EFCC1: variants seen among roughly 807,000 people sequenced by gnomAD.
EFCC1 encodes EF-hand and coiled-coil domain-containing protein 1.
EFCC1 carries 50 observed loss-of-function variants against 52.1 expected under a neutral mutation model. The ratio of observed to expected loss-of-function variants is 0.96; its 90% confidence interval spans 0.76 to 1.21. The LOEUF (loss-of-function observed/expected upper bound fraction) is 1.21. EFCC1 is among the 50% of genes most tolerant of loss of function. The pLI, the probability that EFCC1 is intolerant of heterozygous loss-of-function variation, is 0.00. For synonymous variants in EFCC1, 399 were observed against 396.5 expected (o/e 1.01, Z -0.08); for missense variants, 837 against 867.3 (o/e 0.97, Z 0.44).
At position 129,034,268 on chromosome 3, in the gene EFCC1, TG is replaced by T. The variant is rs1441595533; in HGVS notation, c.1393del (p.Val465TrpfsTer4). 1 of 1,614,116 alleles carries T rather than the reference TG, an allele frequency of 6.2e-7. No homozygotes were observed. Among genetic ancestry groups the T allele is most frequent in the East Asian group, 2.2e-5 (1 of 44,878 alleles). ...GAGCTGGAGGCCTGCATTGCCATGC[TG>T]GTGGAGCAGCTGAGGACTCAGGGCT... ...LGELEACIAM[L>X]VEQLRTQGCG... On this transcript the variant is annotated frameshift_variant, in exon 5 of 8. Transcript: ENST00000683648. LOFTEE classifies it high-confidence loss of function.
Position 129,002,120 on chromosome 3 carries a change from C to A in EFCC1, c.492C>A (p.Gly164=). 1.4e-6 allele frequency: 2 copies of A among 1,475,846 alleles called. No homozygotes were observed. The highest frequency in any genetic ancestry group is 1.8e-6 in the Non-Finnish European group (2 of 1,119,806). 91.4% of individuals were successfully genotyped at this position (1,475,846 alleles called of 1,614,324 possible). A position where few individuals can be genotyped will look rare whatever the true frequency, so the allele number is the denominator to read the frequency against. ...GTGCGGGGCCCCGGCTGCCCCGCGG[C>A]GCTCTCAGCGAGCACATCGAGACGC... The part of the protein sequence containing the change: ...GTRAGPRLPR[G]ALSEHIETQI... The change falls in exon 1 of 8, where the codon GGC becomes GGA. Residue 164 remains glycine, a synonymous_variant. Transcript: ENST00000683648.
chr3:129,021,922 C>G (rs549759446), intron 2 of EFCC1, among the ~76,000 whole-genome samples: 2 of 152,040 alleles, frequency 1.3e-5, no homozygotes, highest in African/African-American at 2.4e-5. Context: ...GGGCATATTA[C>G]GTATTCAGCT....
At chr3:129,035,789 C>T (rs1327630785) in intron 5 of EFCC1, among the ~76,000 whole-genome samples, 2 of 152,138 alleles carry the variant, frequency 1.3e-5, no homozygotes, top group African/African-American at 2.4e-5. Flanking sequence ...GCCAGACTGC[C>T]GGGATTCAAA....
intron 6 of EFCC1, among the ~76,000 whole-genome samples, chr3:129,038,471 T>C (rs1006800179): frequency 1.2e-4 from 18 of 152,416 alleles, no homozygotes; most frequent in African/African-American, 4.1e-4. Flanking sequence ...GCATTGCTTT[T>C]TTCTGCTGGT....
At chr3:129,003,114 G>A (rs1220948919) in intron 1 of EFCC1, among the ~76,000 whole-genome samples, 1 of 152,220 alleles carries the variant, frequency 6.6e-6, no homozygotes, top group African/African-American at 2.4e-5. Flanking sequence ...ATATGACCCC[G>A]CCTTAGCTCA....
At chr3:129,031,468 C>T (rs1016344921) in intron 3 of EFCC1, among the ~76,000 whole-genome samples, 1 of 152,248 alleles carries the variant, frequency 6.6e-6, no homozygotes, top group East Asian at 1.9e-4. Flanking sequence ...AACATGGATG[C>T]CCAGGCCCAC....
rs1250439613 is a variant in EFCC1, at chr3:129,039,786, C to T, written c.1738C>T (p.Gln580Ter). The part of the protein sequence containing the change: ...ALAACQLLRR[Q>*]PSAPASAAAA... ...GGCTGCCTGCCAGCTGTTGCGGAGACAGCCCTCGGCACCAGCCTCTGCAGC... is the reference window on the plus strand; with the variant it reads ...GGCTGCCTGCCAGCTGTTGCGGAGATAGCCCTCGGCACCAGCCTCTGCAGC... The change falls in exon 8 of 8, where the codon CAG becomes TAG. Residue 580 changes from glutamine (Q) to a stop codon, truncating the protein, a stop_gained. Coordinates refer to ENST00000683648, the MANE Select transcript of EFCC1 (RefSeq NM_001377500.1). LOFTEE classifies it low-confidence loss of function (END_TRUNC). 1.2e-6 allele frequency: 2 copies of T among 1,612,478 alleles called. No individual in the cohort carries two copies. The highest frequency in any genetic ancestry group is 1.7e-6 in the Non-Finnish European group (2 of 1,179,102).
At chr3:129,022,935 A>G (rs868086975) in intron 2 of EFCC1, among the ~76,000 whole-genome samples, 6 of 152,286 alleles carry the variant, frequency 3.9e-5, no homozygotes, top group South Asian at 2.1e-4. Context: ...TGTGGTTTGG[A>G]GCTGAGAAGT....
chr3:129,019,700 C>T (rs1337538312), intron 2 of EFCC1, among the ~76,000 whole-genome samples: 2 of 150,656 alleles, frequency 1.3e-5, no homozygotes, highest in Non-Finnish European at 2.9e-5. Flanking sequence ...CTACTGAGCA[C>T]TTGATGTAGC....
intron 2 of EFCC1, among the ~76,000 whole-genome samples, chr3:129,029,534 T>C (rs1946224577): frequency 6.6e-6 from 1 of 151,728 alleles, no homozygotes; most frequent in Non-Finnish European, 1.5e-5. Context: ...GACCAGGAGT[T>C]TGAGAACAGC....
chr3:129,001,845 C>T lies in EFCC1; in HGVS notation c.217C>T (p.Arg73Cys). The stretch of plus-strand genomic sequence containing the variant: ...CCACCTGGACTGCCGCGGCGCCGGC[C>T]GTCTGCCCCGCGCCGACTTCCGAGC... ...FHHLDCRGAG[R>C]LPRADFRALC... The change falls in exon 1 of 8, where the codon CGT becomes TGT. Residue 73 changes from arginine to cysteine, a missense_variant. Arg to Cys is a radical substitution (Grantham distance 180). Transcript: ENST00000683648. 3 of 1,545,874 alleles carry T rather than the reference C, an allele frequency of 1.9e-6. No homozygotes were observed. The highest frequency in any genetic ancestry group is 2.6e-6 in the Non-Finnish European group (3 of 1,145,604).
intron 2 of EFCC1, among the ~76,000 whole-genome samples, chr3:129,023,287 C>CTCAG (rs1312832747): frequency 4.0e-5 from 6 of 151,380 alleles, no homozygotes; most frequent in Non-Finnish European, 8.8e-5. Flanking sequence ...CAGAGACAGC[C>CTCAG]TCAGGCTAAT....
At chr3:129,033,464 C>T (rs115018337) in intron 4 of EFCC1, among the ~76,000 whole-genome samples, 1,811 of 152,290 alleles carry the variant, frequency 0.012, 46 homozygotes, top group South Asian at 0.085. Flanking sequence ...GGGATGGTGA[C>T]ACTTGTGTGG....
intron 2 of EFCC1, among the ~76,000 whole-genome samples, chr3:129,018,049 C>T (rs1217476203): frequency 2.0e-5 from 3 of 152,192 alleles, no homozygotes; most frequent in Non-Finnish European, 2.9e-5. Context: ...CCTGGCCATA[C>T]AAGAGGGTCC....
chr3:129,026,490 A>C (rs1408312922), intron 2 of EFCC1, among the ~76,000 whole-genome samples: 1 of 152,190 alleles, frequency 6.6e-6, no homozygotes, highest in East Asian at 1.9e-4. Flanking sequence ...CAAGAAGCTC[A>C]CTGCCTTCCA....
In EFCC1 at chr3:129,003,850, G is replaced by C. The variant is rs557333033; in HGVS notation, c.753G>C (p.Glu251Asp). The change falls in exon 2 of 8, where the codon GAG becomes GAC. Residue 251 changes from glutamate (E) to aspartate (D), a missense_variant. Physicochemically the swap from Glu to Asp is conservative, Grantham distance 45. Transcript: ENST00000683648. ...STHEMGHGGP[E>D]AAVRELRQAQ... The stretch of plus-strand genomic sequence containing the variant: ...ACGAGATGGGGCACGGCGGGCCGGA[G>C]GCTGCGGTGCGGGAGCTGCGTCAGG... 1 of 1,454,716 alleles carries C rather than the reference G, an allele frequency of 6.9e-7. No homozygotes were observed. Among genetic ancestry groups the C allele is most frequent in the African/African-American group, 1.5e-5 (1 of 67,608 alleles). 90.1% of individuals were successfully genotyped at this position (1,454,716 alleles called of 1,614,324 possible). A position where few individuals can be genotyped will look rare whatever the true frequency, so the allele number is the denominator to read the frequency against.
chr3:129,035,338 G>A (rs144603501), intron 5 of EFCC1, among the ~76,000 whole-genome samples: 1,570 of 152,308 alleles, frequency 0.01, 29 homozygotes, highest in African/African-American at 0.036. Flanking sequence ...GTTTGAGAGA[G>A]GTCAAATGGG....
intron 1 of EFCC1, chr3:129,003,368 C>T (rs950884066): frequency 2.9e-5 from 24 of 827,220 alleles, no homozygotes; most frequent in Admixed American, 6.2e-5. Flanking sequence ...AGAAACCACC[C>T]TCAAAAGCCT....
chr3:129,034,056 G>A (rs1264850472), intron 4 of EFCC1, 108 bp from the exon 5 acceptor site: 1 of 1,447,646 alleles, frequency 6.9e-7, no homozygotes, highest in Non-Finnish European at 9.5e-7. Context: ...CCGTGGCCTG[G>A]CTTTGCTTTA....
Sources: allele counts gnomAD v4.1 joint callset (sites outside exome capture counted in the v4.1 genomes callset), GRCh38; gene constraint gnomAD v4.1.1; transcripts MANE v1.5; gene names NCBI Gene and HGNC (gene_info 2026-07-23, HGNC 2026-07-21).